Variants in RIC1 observed in about 807,000 individuals in gnomAD.
RIC1 encodes guanine nucleotide exchange factor subunit RIC1.
Under a neutral mutation model 169.0 loss-of-function variants are expected in RIC1, and 88 were observed. The observed-to-expected ratio is 0.52, with a 90% confidence interval of 0.44 to 0.62. RIC1 has a LOEUF of 0.62. Among genes scored for constraint, RIC1 ranks in the 20% least tolerant of loss-of-function variants. The pLI is 0.00. For missense variants in RIC1, 1,877 were observed against 1,725.5 expected, an observed-to-expected ratio of 1.09 and a Z score of -1.56; for synonymous variants, 790 against 601.5, an observed-to-expected ratio of 1.31 and a Z score of -4.59.
intron 3 of RIC1, among the ~76,000 whole-genome samples, chr9:5,708,599 C>T (rs1199617085): frequency 6.6e-6 from 1 of 152,056 alleles, no homozygotes; most frequent in East Asian, 1.9e-4. Flanking sequence ...CCATGGTTTC[C>T]TATGAAAAGT....
chr9:5,630,508 C>T (rs1392355946), intron 1 of RIC1, among the ~76,000 whole-genome samples: 2 of 152,080 alleles, frequency 1.3e-5, no homozygotes, highest in Admixed American at 6.6e-5. Flanking sequence ...GTTCCATTAC[C>T]TGTAATGCCC....
Position 5,738,516 on chromosome 9 carries a change from G to A in RIC1, c.879G>A (p.Glu293=), listed in dbSNP as rs766996121. 4 of 1,556,920 alleles carry A rather than the reference G, an allele frequency of 2.6e-6. No homozygotes were observed. The South Asian group carries it at 4.6e-5, about 18-fold the overall frequency. The stretch of plus-strand genomic sequence containing the variant: ...CCATGCTGCTATCTCATAAATTAGA[G>A]CTAACAGCAAAACAGTATCCTGGTG... ...TGAMLLSHKL[E]LTAKQYPDIW... The change falls in exon 8 of 26, where the codon GAG becomes GAA. Residue 293 remains glutamate (E), a synonymous_variant. Transcript: ENST00000414202.
chr9:5,773,287 C>T lies in RIC1; in HGVS notation c.3983+207C>T, dbSNP rs535380759. On this transcript the variant is annotated intron_variant, in intron 25 of 25. Coordinates refer to ENST00000414202, the MANE Select transcript of RIC1 (RefSeq NM_020829.4). ...TGGATAATTCCATCGAGTAAGGTTA[C>T]ACTGTTGGTCAGTGTATAATTTATA... The T allele has an allele frequency of 1.4e-4, 28 of 207,336 alleles. 1 individual carries two copies. In the South Asian group the frequency reaches 3.9e-3, roughly 29 times the overall value. 12.8% of individuals were successfully genotyped at this position (207,336 alleles called of 1,614,324 possible).
chr9:5,773,214 T>C (rs1442487748), intron 25 of RIC1, 134 bp downstream of exon 25: 1 of 309,990 alleles, frequency 3.2e-6, no homozygotes, highest in East Asian at 6.0e-5. Flanking sequence ...TATATGTTCA[T>C]TTTTAAGCTA....
rs73641649 is a variant in RIC1, at chr9:5,731,033, A to G, written c.721-1355A>G. 6.4e-3 allele frequency among the ~76,000 whole-genome samples: 969 copies of G among 152,320 alleles called. 13 individuals carry two copies. The highest frequency in any genetic ancestry group is 0.021 in the African/African-American group (886 of 41,586). ...GACTTTCCTCAAAAGGCATCCTTAT[A>G]GGGAAACCTGTTTAATATTACATCC... On this transcript the variant is annotated intron_variant, in intron 6 of 25. Coordinates refer to ENST00000414202, the MANE Select transcript of RIC1 (RefSeq NM_020829.4).
In RIC1 at chr9:5,673,159, G is replaced by T. The variant is rs552316648; in HGVS notation, c.252+16469G>T. ...ACCATACCATCCATGTTAGGTATAT[G>T]CAATGCTTAGGGACAATTATTATCT... On this transcript the variant is annotated intron_variant, in intron 2 of 25. Coordinates refer to ENST00000414202, the MANE Select transcript of RIC1 (RefSeq NM_020829.4). Among the ~76,000 whole-genome samples the T allele has an allele frequency of 3.3e-5, 5 of 152,138 alleles. No homozygotes were observed. In the South Asian group the frequency reaches 1.0e-3, roughly 32 times the overall value.
chr9:5,774,294 C>A lies in RIC1; in HGVS notation c.*48C>A, dbSNP rs370500830. On this transcript the variant is annotated 3_prime_UTR_variant, in exon 26 of 26. Transcript: ENST00000414202. ...GGCAGTATTAATTAGCAGCAGCGTG[C>A]AGCTCAGTACGTTGTAACATAGTTG... 4.7e-6 allele frequency: 7 copies of A among 1,490,392 alleles called. No homozygotes were observed. In the Admixed American group the frequency reaches 1.4e-4, roughly 30 times the overall value. The allele number at this position is 1,490,392 out of a possible 1,614,324, so 92.3% of individuals were successfully genotyped here.
chr9:5,631,157 T>A (rs1171808029), intron 1 of RIC1, among the ~76,000 whole-genome samples: 1 of 152,188 alleles, frequency 6.6e-6, no homozygotes, highest in African/African-American at 2.4e-5. Context: ...CTTAAGCATG[T>A]CTATTGTTTG....
intron 2 of RIC1, among the ~76,000 whole-genome samples, chr9:5,676,542 C>T (rs975024746): frequency 6.6e-6 from 1 of 152,074 alleles, no homozygotes; most frequent in Non-Finnish European, 1.5e-5. Flanking sequence ...GTAACCTGCT[C>T]AAGAATACAT....
intron 1 of RIC1, among the ~76,000 whole-genome samples, chr9:5,638,985 G>A (rs900991252): frequency 4.6e-5 from 7 of 152,036 alleles, no homozygotes; most frequent in East Asian, 3.8e-4. Context: ...GTGCAATCTC[G>A]TCTCACTGTA....
At chr9:5,678,903 A>G (rs576818801) in intron 2 of RIC1, among the ~76,000 whole-genome samples, 2 of 151,888 alleles carry the variant, frequency 1.3e-5, no homozygotes, top group African/African-American at 4.8e-5. Flanking sequence ...GGTGTTTTAG[A>G]CATGAAGTCC....
chr9:5,770,936 A>G (rs1402758532), intron 23 of RIC1, among the ~76,000 whole-genome samples: 1 of 152,108 alleles, frequency 6.6e-6, no homozygotes, highest in African/African-American at 2.4e-5. Context: ...CTTAAACAAC[A>G]ATTTGTCTGA....
rs774038396 is a variant in RIC1 at position 5,714,026 on chromosome 9, G to A, written c.440+23G>A. The A allele has an allele frequency of 4.0e-6, 6 of 1,481,858 alleles. No homozygotes were observed. In the East Asian group the frequency reaches 1.4e-4, roughly 34 times the overall value. 91.8% of individuals were successfully genotyped at this position (1,481,858 alleles called of 1,614,324 possible). A position where few individuals can be genotyped will look rare whatever the true frequency, so the allele number is the denominator to read the frequency against. On this transcript the variant is annotated intron_variant, in intron 4 of 25. Coordinates refer to ENST00000414202, the MANE Select transcript of RIC1 (RefSeq NM_020829.4). ...GAGGTACAGTACTTTGGTTAAATTT[G>A]ACATTGTGTGATGACAGTAGACAAT...
chr9:5,709,614 C>G (rs1822813270), intron 3 of RIC1, among the ~76,000 whole-genome samples: 1 of 152,150 alleles, frequency 6.6e-6, no homozygotes, highest in African/African-American at 2.4e-5. Context: ...GCATTCAGTG[C>G]TTTCATAATC....
Position 5,720,603 on chromosome 9 carries a change from T to G in RIC1, c.584-11T>G. On this transcript the variant is annotated splice_polypyrimidine_tract_variant and intron_variant, in intron 5 of 25. Transcript: ENST00000414202. ...CTTAATCCTATTTCATGTGCTTATT[T>G]TTTTCATCAGTAGGTTCATTCCTGG... 6.3e-7 allele frequency: 1 copy of G among 1,576,618 alleles called. No individual in the cohort carries two copies. The highest frequency in any genetic ancestry group is 2.3e-5 in the East Asian group (1 of 44,122).
At chr9:5,629,637 C>T (rs1368166351) in intron 1 of RIC1, among the ~76,000 whole-genome samples, 184 bp downstream of exon 1, 3 of 152,186 alleles carry the variant, frequency 2.0e-5, no homozygotes. Context: ...GGCACGTCCT[C>T]CAGCCGGCGG....
intron 4 of RIC1, among the ~76,000 whole-genome samples, chr9:5,714,762 G>C (rs1482901204): frequency 1.3e-5 from 2 of 152,178 alleles, no homozygotes; most frequent in Non-Finnish European, 2.9e-5. Flanking sequence ...AAAAGAGAGA[G>C]CATGTATTTT....
chr9:5,657,138 C>G (rs983933863), intron 2 of RIC1, among the ~76,000 whole-genome samples: 1 of 152,108 alleles, frequency 6.6e-6, no homozygotes, highest in Non-Finnish European at 1.5e-5. Context: ...AACATATTCA[C>G]ATGATATTCT....
intron 7 of RIC1, among the ~76,000 whole-genome samples, chr9:5,733,409 G>A (rs957166951): frequency 7.9e-5 from 12 of 151,516 alleles, no homozygotes; most frequent in Non-Finnish European, 1.6e-4. Context: ...GACTGCAGGC[G>A]CCCACCACCA....
Sources: allele counts gnomAD v4.1 joint callset (sites outside exome capture counted in the v4.1 genomes callset), GRCh38; gene constraint gnomAD v4.1.1; transcripts MANE v1.5; gene names NCBI Gene and HGNC (gene_info 2026-07-23, HGNC 2026-07-21).